TANC2: variants seen among roughly 807,000 people sequenced by gnomAD.
TANC2 encodes the protein protein TANC2.
Under a neutral mutation model 210.5 loss-of-function variants are expected in TANC2, and 26 were observed. The ratio of observed to expected loss-of-function variants is 0.12; its 90% CI spans 0.09 to 0.17. TANC2 has a LOEUF of 0.17. TANC2 is among the 10% of genes least tolerant of loss of function. The probability of loss-of-function intolerance (pLI) is 1.00; values close to 1 mark genes in which losing one functional copy is unlikely to be tolerated. For missense variants in TANC2, 2,129 were observed against 2,608.9 expected, an observed-to-expected ratio of 0.82 and a Z score of 4.01; for synonymous variants, 931 against 967.1, an observed-to-expected ratio of 0.96 and a Z score of 0.69.
intron 2 of TANC2, among the ~76,000 whole-genome samples, chr17:63,015,975 G>T (rs1435436427): frequency 1.3e-5 from 2 of 151,768 alleles, no homozygotes; most frequent in African/African-American, 2.4e-5. Context: ...ATTCAAGTAT[G>T]CTGGTGGGGG....
intron 3 of TANC2, among the ~76,000 whole-genome samples, chr17:63,085,078 A>C (rs1051123635): frequency 2.6e-5 from 4 of 152,252 alleles, no homozygotes; most frequent in African/African-American, 9.6e-5. Flanking sequence ...AAGGCTGTCA[A>C]AGTCTCAAGT....
At chr17:63,191,039 TC>T (rs2041167520) in intron 5 of TANC2, among the ~76,000 whole-genome samples, 1 of 152,062 alleles carries the variant, frequency 6.6e-6, no homozygotes, top group South Asian at 2.1e-4. Context: ...GACTTTTTTC[TC>T]CTGGTAAATT....
intron 2 of TANC2, among the ~76,000 whole-genome samples, chr17:63,022,629 T>A (rs1396596531): frequency 6.6e-6 from 1 of 152,208 alleles, no homozygotes; most frequent in Non-Finnish European, 1.5e-5. Context: ...AGCCAGGTGC[T>A]AGTCATCAAA....
At chr17:63,241,372 A>G (rs1393048387) in intron 8 of TANC2, among the ~76,000 whole-genome samples, 2 of 152,246 alleles carry the variant, frequency 1.3e-5, no homozygotes, top group East Asian at 1.9e-4. Context: ...CCCTTATTCA[A>G]TTAGCAGTGT....
intron 12 of TANC2, among the ~76,000 whole-genome samples, chr17:63,345,475 C>T (rs879853531): frequency 5.9e-5 from 9 of 151,864 alleles, no homozygotes; most frequent in South Asian, 2.1e-4. Context: ...CAAAGTTAGC[C>T]GGGCGTGGTG....
At chr17:63,208,487 C>T (rs1367284964) in intron 7 of TANC2, among the ~76,000 whole-genome samples, 7 of 152,156 alleles carry the variant, frequency 4.6e-5, no homozygotes, top group South Asian at 4.1e-4. Context: ...TGAGGATTCT[C>T]GGCTATTCTG....
intron 4 of TANC2, among the ~76,000 whole-genome samples, chr17:63,101,806 A>T (rs1467346058): frequency 6.6e-6 from 1 of 152,190 alleles, no homozygotes; most frequent in Non-Finnish European, 1.5e-5. Context: ...ATGACTGGGG[A>T]GAGTCAAAGG....
At chr17:63,414,788 A>G (rs201746909) in intron 25 of TANC2, among the ~76,000 whole-genome samples, 1 of 152,232 alleles carries the variant, frequency 6.6e-6, no homozygotes, top group Non-Finnish European at 1.5e-5. Context: ...TGCCGCCTGC[A>G]TCTTTCTGGT....
chr17:63,119,518 C>T (rs927546104), intron 4 of TANC2, among the ~76,000 whole-genome samples: 19 of 152,044 alleles, frequency 1.2e-4, no homozygotes, highest in Non-Finnish European at 1.9e-4. Context: ...ATTTTGCTTC[C>T]GTCATCTATA....
At chr17:63,385,502 C>CAAA (rs2047749821) in intron 15 of TANC2, among the ~76,000 whole-genome samples, 1 of 152,146 alleles carries the variant, frequency 6.6e-6, no homozygotes, top group Non-Finnish European at 1.5e-5. Context: ...TTTCATATGC[C>CAAA]AAAATAACAA....
At chr17:63,165,005 G>A (rs1178205086) in intron 5 of TANC2, among the ~76,000 whole-genome samples, 1 of 152,154 alleles carries the variant, frequency 6.6e-6, no homozygotes, top group Non-Finnish European at 1.5e-5. Context: ...TGTCTGGCCA[G>A]GTGCAATGGC....
At chr17:63,349,125 AAAT>A (rs768120192) in intron 12 of TANC2, among the ~76,000 whole-genome samples, 2 of 152,192 alleles carry the variant, frequency 1.3e-5, no homozygotes, top group Non-Finnish European at 2.9e-5. Context: ...TCTCAAAAAA[AAAT>A]AATAATCAGA....
chr17:63,287,867 G>T (rs939047567), intron 9 of TANC2, among the ~76,000 whole-genome samples: 1 of 151,914 alleles, frequency 6.6e-6, no homozygotes, highest in East Asian at 1.9e-4. Context: ...GTAGAGACGG[G>T]GTTTCACCAT....
intron 4 of TANC2, among the ~76,000 whole-genome samples, chr17:63,108,299 GAAAT>G (rs1325629866): frequency 6.6e-6 from 1 of 151,680 alleles, no homozygotes. Context: ...TAAACAAAAA[GAAAT>G]AAGTGTTTGA....
intron 8 of TANC2, among the ~76,000 whole-genome samples, chr17:63,247,566 C>G (rs908036312): frequency 6.6e-6 from 1 of 150,710 alleles, no homozygotes; most frequent in Non-Finnish European, 1.5e-5. Context: ...CATCTGTAGA[C>G]TAGACCTTAA....
chr17:62,997,116 C>CTT (rs74374010), intron 1 of TANC2, among the ~76,000 whole-genome samples: 29 of 120,930 alleles, frequency 2.4e-4, no homozygotes, highest in Admixed American at 3.4e-4. Flanking sequence ...CACCCAGCCT[C>CTT]TTTTTTTTTT....
At chr17:63,111,653 C>CA (rs2038050733) in intron 4 of TANC2, among the ~76,000 whole-genome samples, 1 of 152,076 alleles carries the variant, frequency 6.6e-6, no homozygotes, top group African/African-American at 2.4e-5. Flanking sequence ...CTGTCTTTAT[C>CA]AAAAAATTTC....
rs190778200 is a variant in TANC2, at chr17:63,231,741, G to C, written c.770-6073G>C. 8.0e-4 allele frequency among the ~76,000 whole-genome samples: 121 copies of C among 152,120 alleles called. 1 individual carries two copies. The highest frequency in any genetic ancestry group is 2.9e-3 in the African/African-American group (119 of 41,482). On this transcript the variant is annotated intron_variant, in intron 7 of 27. Transcript: ENST00000689528. ...GGAATCTGATTATTATGTGTCTTTG[G>C]GTTGATCTTCTCATGGAGTATCTTA...
At chr17:63,162,305 A>AG (rs1567775531) in intron 5 of TANC2, among the ~76,000 whole-genome samples, 1 of 150,794 alleles carries the variant, frequency 6.6e-6, no homozygotes, top group Non-Finnish European at 1.5e-5. Context: ...CCTGTCTGGA[A>AG]AAAAAAAAAA....
Sources: allele counts gnomAD v4.1 joint callset (sites outside exome capture counted in the v4.1 genomes callset), GRCh38; gene constraint gnomAD v4.1.1; transcripts MANE v1.5; gene names NCBI Gene and HGNC (gene_info 2026-07-23, HGNC 2026-07-21).